Variants in FAM161B observed in about 807,000 individuals in gnomAD.
FAM161B encodes the protein protein FAM161B.
Under a neutral mutation model 61.5 loss-of-function variants are expected in FAM161B, and 46 were observed. The ratio of observed to expected loss-of-function variants is 0.75; its 90% CI spans 0.59 to 0.96. FAM161B has a LOEUF of 0.96. Ranked by LOEUF, FAM161B falls within the 40% of genes least tolerant of loss-of-function variation. The pLI, the probability that FAM161B is intolerant of heterozygous loss-of-function variation, is 0.00. For synonymous variants in FAM161B, 284 were observed against 302.7 expected (o/e 0.94, Z 0.64); for missense variants, 774 against 800.7 (o/e 0.97, Z 0.40).
intron 8 of FAM161B, among the ~76,000 whole-genome samples, chr14:73,935,418 C>T (rs1344030200): frequency 1.3e-5 from 2 of 151,814 alleles, no homozygotes; most frequent in East Asian, 3.9e-4. Context: ...ATCCCAGCTA[C>T]TCGGGAGGCT....
chr14:73,943,610 C>T lies in FAM161B; in HGVS notation c.925+725G>A, dbSNP rs571466849. On this transcript the variant is annotated intron_variant, in intron 3 of 8. Transcript: ENST00000286544. ...GCCTGCTCCACTTCTCCTCCCTCTT[C>T]GCCCCTCCTTCAGTTCAGCCCCAGG... 1.4e-3 allele frequency among the ~76,000 whole-genome samples: 217 copies of T among 152,324 alleles called. 1 individual carries two copies. The highest frequency in any genetic ancestry group is 5.0e-3 in the African/African-American group (206 of 41,580).
At chr14:73,926,582 C>T (rs527510935), downstream of FAM161B, among the ~76,000 whole-genome samples, 1 of 152,162 alleles carries the variant, frequency 6.6e-6, no homozygotes, top group Non-Finnish European at 1.5e-5. Flanking sequence ...TTACAGGCAC[C>T]TGCCACCAAG....
Position 73,932,522 on chromosome 14 carries a change from C to T in FAM161B, c.*1734G>A, listed in dbSNP as rs532083626. Reference sequence around the variant, plus strand: ...AAACAGATACTTCTGAATTTTTCCACAAAGATAGTTTTTTTAAAAAAGCTT... The same window carrying T: ...AAACAGATACTTCTGAATTTTTCCATAAAGATAGTTTTTTTAAAAAAGCTT... On this transcript the variant is annotated 3_prime_UTR_variant, in exon 9 of 9. Coordinates refer to ENST00000286544, the MANE Select transcript of FAM161B (RefSeq NM_152445.3). 1 of 443,658 alleles carries T rather than the reference C, an allele frequency of 2.3e-6. No individual in the cohort carries two copies. The highest frequency in any genetic ancestry group is 2.0e-5 in the African/African-American group (1 of 49,066). 27.5% of individuals were successfully genotyped at this position (443,658 alleles called of 1,614,324 possible).
rs751977154 is a variant in FAM161B, at chr14:73,942,612, C to A, written c.1029G>T (p.Gln343His). Residue 343 changes from glutamine to histidine, a missense_variant, in exon 4 of 9, where the codon CAG (glutamine) becomes CAT (histidine). By Grantham distance (24) the Gln-to-His change is conservative (BLOSUM62 0). Coordinates refer to ENST00000286544, the MANE Select transcript of FAM161B (RefSeq NM_152445.3). ...GCTGGGTTCGGGTGGCTGTGCGGGG[C>A]TGTGGGTTAGCCCGGTTACTAGAGG... The part of the protein sequence containing the change: ...IASSSNRANP[Q>H]PRTATRTQQE... The A allele has an allele frequency of 6.2e-7, 1 of 1,614,160 alleles. No individual in the cohort carries two copies. The highest frequency in any genetic ancestry group is 1.3e-5 in the African/African-American group (1 of 75,036).
chr14:73,949,049 G>C (rs1415823374), intron 1 of FAM161B, among the ~76,000 whole-genome samples: 1 of 152,118 alleles, frequency 6.6e-6, no homozygotes, highest in Admixed American at 6.5e-5. Flanking sequence ...CTCCCGAGTA[G>C]CTAGGACTAC....
Position 73,944,848 on chromosome 14 carries a change from G to A in FAM161B, c.412C>T (p.Leu138Phe). ...TGAGGCCTGGGAATGTTGGAGGGAA[G>A]GTTGTTCAGGGAGCTGCAGCGCCTT... is the stretch of plus-strand genomic sequence containing the variant. ...STRRCSSLNN[L>F]PSNIPRPQTQ... Residue 138 changes from leucine to phenylalanine, a missense_variant, in exon 3 of 9, where the codon CTT becomes TTT. Leu to Phe is a conservative substitution (Grantham distance 22). Coordinates refer to ENST00000286544, the MANE Select transcript of FAM161B (RefSeq NM_152445.3). 2.0e-6 allele frequency: 3 copies of A among 1,529,380 alleles called. No individual in the cohort carries two copies. The highest frequency in any genetic ancestry group is 2.6e-6 in the Non-Finnish European group (3 of 1,139,402). 94.7% of individuals were successfully genotyped at this position (1,529,380 alleles called of 1,614,324 possible). A position where few individuals can be genotyped will look rare whatever the true frequency, so the allele number is the denominator to read the frequency against.
Position 73,932,766 on chromosome 14 carries a change from A to C in FAM161B, c.*1490T>G, listed in dbSNP as rs1237919581. The C allele has an allele frequency of 4.1e-6, 1 of 243,846 alleles. No homozygotes were observed. Among genetic ancestry groups the C allele is most frequent in the African/African-American group, 2.3e-5 (1 of 43,496 alleles). The allele number at this position is 243,846 out of a possible 1,614,324, so 15.1% of individuals were successfully genotyped here. On this transcript the variant is annotated 3_prime_UTR_variant, in exon 9 of 9. Coordinates refer to ENST00000286544, the MANE Select transcript of FAM161B (RefSeq NM_152445.3). ...CAGCCTCCTGAATAGCTAGGACTATAGGCATGTACCACCAGTCCAGCTAAC... is the reference window on the plus strand; with the variant it reads ...CAGCCTCCTGAATAGCTAGGACTATCGGCATGTACCACCAGTCCAGCTAAC...
chr14:73,942,955 CTTG>C (rs2056032678), intron 3 of FAM161B, among the ~76,000 whole-genome samples: 2 of 150,832 alleles, frequency 1.3e-5, no homozygotes, highest in Non-Finnish European at 3.0e-5. Context: ...TTCTGGAGAG[CTTG>C]TTAATAAATG....
chr14:73,933,695 C>T lies in FAM161B; in HGVS notation c.*561G>A, dbSNP rs2055945310. ...ACTAGCCCCTTATAGGCATTTGGGC[C>T]TGTGCTCTCTTTTCTGTACCTAATT... is the stretch of plus-strand genomic sequence containing the variant. On this transcript the variant is annotated 3_prime_UTR_variant, in exon 9 of 9. Transcript: ENST00000286544. 6.6e-6 allele frequency: 1 copy of T among 150,600 alleles called. No homozygotes were observed. The highest frequency in any genetic ancestry group is 1.9e-4 in the East Asian group (1 of 5,204). The allele number at this position is 150,600 out of a possible 1,614,324, so 9.3% of individuals were successfully genotyped here.
At chr14:73,942,803 G>C in intron 3 of FAM161B, 88 bp from the exon 4 acceptor site, 2 of 1,232,586 alleles carry the variant, frequency 1.6e-6, no homozygotes, top group Non-Finnish European at 2.2e-6. Context: ...CACACTAGCT[G>C]TAAGTGTTAC....
Position 73,942,494 on chromosome 14 carries a change from G to T in FAM161B, c.1147C>A (p.Gln383Lys). The change falls in exon 4 of 9, where the codon CAG (glutamine) becomes AAG (lysine). Residue 383 changes from glutamine (Q) to lysine (K), a missense_variant. By Grantham distance (53) the Gln-to-Lys change is moderately conservative. Coordinates refer to ENST00000286544, the MANE Select transcript of FAM161B (RefSeq NM_152445.3). ...PDYEGLYKAFQRRAAKRRETQ... is the reference protein window; with the variant it reads ...PDYEGLYKAFKRRAAKRRETQ... Reference sequence around the variant, plus strand: ...TCTCTTCTTTTGGCTGCTCTTCTCTGGAAGGCCTTGTAAAGGCCCTCATAG... The same window carrying T: ...TCTCTTCTTTTGGCTGCTCTTCTCTTGAAGGCCTTGTAAAGGCCCTCATAG... 6.2e-7 allele frequency: 1 copy of T among 1,614,170 alleles called. No individual in the cohort carries two copies. Among genetic ancestry groups the T allele is most frequent in the Non-Finnish European group, 8.5e-7 (1 of 1,180,036 alleles).
chr14:73,931,232 T>C (rs1481229391), downstream of FAM161B, among the ~76,000 whole-genome samples: 1 of 152,164 alleles, frequency 6.6e-6, no homozygotes, highest in Non-Finnish European at 1.5e-5. Context: ...GACTGATGAG[T>C]AGGTAACTAC....
downstream of FAM161B, chr14:73,928,064 C>G (rs1278449629): frequency 6.4e-6 from 1 of 156,318 alleles, no homozygotes; most frequent in African/African-American, 2.4e-5. Context: ...GTCTCAAACT[C>G]CTGACCTTAG....
chr14:73,928,471 C>T (rs529298230), downstream of FAM161B, among the ~76,000 whole-genome samples: 1 of 152,244 alleles, frequency 6.6e-6, no homozygotes, highest in South Asian at 2.1e-4. Flanking sequence ...ACTGAAGAAC[C>T]ACTGCATGGT....
chr14:73,930,914 A>G (rs1020097368), downstream of FAM161B, among the ~76,000 whole-genome samples: 3 of 152,158 alleles, frequency 2.0e-5, no homozygotes, highest in Admixed American at 6.5e-5. Flanking sequence ...TTTTGTTTTT[A>G]TATTAAAATG....
chr14:73,926,456 T>C, the FAM161B span, among the ~76,000 whole-genome samples: 1 of 152,080 alleles, frequency 6.6e-6, no homozygotes, highest in Non-Finnish European at 1.5e-5. Flanking sequence ...GTTTTGAGAC[T>C]GAGTCTCACT....
rs2056123601 is a variant in FAM161B at position 73,950,018 on chromosome 14, C to T, written c.9G>A (p.Val3=). The change falls in exon 1 of 9, where the codon GTG becomes GTA. Residue 3 remains valine, a synonymous_variant. Transcript: ENST00000286544. Reference sequence around the variant, plus strand: ...CTCCGGGGGCTCCCTCAGGCCTCCCCACGGTCATTTCAGCTGGACAGAGGC... The same window carrying T: ...CTCCGGGGGCTCCCTCAGGCCTCCCTACGGTCATTTCAGCTGGACAGAGGC... MT[V]GRPEGAPGGA... 1.9e-6 allele frequency: 3 copies of T among 1,612,790 alleles called. No homozygotes were observed. The highest frequency in any genetic ancestry group is 2.7e-5 in the African/African-American group (2 of 74,918).
At chr14:73,941,107 T>TA in intron 4 of FAM161B, 54 bp from the exon 5 acceptor site, 67 of 1,187,532 alleles carry the variant, frequency 5.6e-5, no homozygotes, top group African/African-American at 7.0e-5. Flanking sequence ...TTAGTTTCTA[T>TA]CTTTTTTTTT....
downstream of FAM161B, among the ~76,000 whole-genome samples, chr14:73,930,083 G>A (rs1421762709): frequency 6.6e-6 from 1 of 152,066 alleles, no homozygotes; most frequent in East Asian, 1.9e-4. Context: ...AGCTAGTTTT[G>A]ACTACCTCTT....
Sources: allele counts gnomAD v4.1 joint callset (sites outside exome capture counted in the v4.1 genomes callset), GRCh38; gene constraint gnomAD v4.1.1; transcripts MANE v1.5; gene names NCBI Gene and HGNC (gene_info 2026-07-23, HGNC 2026-07-21).